Variants in SUGP2 observed in about 807,000 individuals in gnomAD.
SUGP2 encodes SURP and G-patch domain-containing protein 2.
A neutral mutation model predicts 90.5 loss-of-function variants in SUGP2; 24 were observed. The observed-to-expected ratio is 0.27, with a 90% CI of 0.19 to 0.37. SUGP2 has a LOEUF of 0.37. SUGP2 is among the 10% of genes least tolerant of loss of function. The pLI is 1.00. For synonymous variants in SUGP2, 473 were observed against 513.4 expected (o/e 0.92, Z 1.06); for missense variants, 1,233 against 1,363.3 (o/e 0.90, Z 1.51).
At chr19:19,003,116 G>A (rs551619145) in intron 7 of SUGP2, among the ~76,000 whole-genome samples, 1 of 152,312 alleles carries the variant, frequency 6.6e-6, no homozygotes, top group East Asian at 1.9e-4. Context: ...CCCATGAGAA[G>A]TTTTGAAGGA....
intron 7 of SUGP2, among the ~76,000 whole-genome samples, chr19:19,003,191 A>G (rs2057916314): frequency 6.6e-6 from 1 of 152,358 alleles, no homozygotes; most frequent in Admixed American, 6.5e-5. Flanking sequence ...AACACAAAAC[A>G]TGAGGACTAT....
At chr19:19,021,344 CAT>C (rs1176149192) in intron 3 of SUGP2, among the ~76,000 whole-genome samples, 1 of 152,106 alleles carries the variant, frequency 6.6e-6, no homozygotes, top group Non-Finnish European at 1.5e-5. Context: ...GCTCCTCACA[CAT>C]GATGAGTCAA....
chr19:19,020,155 C>T (rs779329088), intron 3 of SUGP2, among the ~76,000 whole-genome samples: 4 of 151,804 alleles, frequency 2.6e-5, no homozygotes, highest in African/African-American at 9.7e-5. Flanking sequence ...TTTGGCCAGG[C>T]ACAGTGGCTC....
chr19:18,998,338 G>A (rs965558271), intron 8 of SUGP2, among the ~76,000 whole-genome samples: 4 of 152,228 alleles, frequency 2.6e-5, no homozygotes, highest in East Asian at 1.9e-4. Context: ...CCAGGCTGGA[G>A]TGCAGTGGCT....
In SUGP2 at chr19:18,995,369, C is replaced by T. The variant is rs553689412; in HGVS notation, c.2992-89G>A. 6 of 1,408,488 alleles carry T rather than the reference C, an allele frequency of 4.3e-6. No individual in the cohort carries two copies. The African/African-American group carries it at 5.8e-5, about 14-fold the overall frequency. 87.2% of individuals were successfully genotyped at this position (1,408,488 alleles called of 1,614,324 possible). ...CTAGGCTATGCCTGGAGCCCCTCAC[C>T]CCCAAATGCCCTCCTGACTCCCCAG... On this transcript the variant is annotated intron_variant, in intron 8 of 10. Transcript: ENST00000452918.
rs766040952 is a variant in SUGP2, at chr19:19,025,978, C to T, written c.370G>A (p.Gly124Ser). The change falls in exon 3 of 11, where the codon GGC (glycine) becomes AGC (serine). Residue 124 changes from glycine to serine, a missense_variant. Gly to Ser is a moderately conservative substitution (Grantham distance 56). Coordinates refer to ENST00000452918, the MANE Select transcript of SUGP2 (RefSeq NM_001017392.5). ...CGGAAATGCCCCAATTTCCGGTGGC[C>T]AATGACCTGGTCCCGAGAATCAGAG... is the stretch of plus-strand genomic sequence containing the variant. ...SHSDSRDQVI[G>S]HRKLGHFRSQ... The T allele has an allele frequency of 1.2e-6, 2 of 1,614,134 alleles. No homozygotes were observed. Among genetic ancestry groups the T allele is most frequent in the Admixed American group, 3.3e-5 (2 of 60,004 alleles).
At chr19:19,003,479 T>G (rs943981354) in intron 7 of SUGP2, 1 of 152,254 alleles carries the variant, frequency 6.6e-6, no homozygotes, top group Non-Finnish European at 1.5e-5. Flanking sequence ...ACTGACAGAC[T>G]AGGAAAGATA....
rs926835948 is a variant in SUGP2 at position 19,002,961 on chromosome 19, C to A, written c.2929+1207G>T. On this transcript the variant is annotated intron_variant, in intron 7 of 10. Coordinates refer to ENST00000452918, the MANE Select transcript of SUGP2 (RefSeq NM_001017392.5). ...CCGTGACAAGTTTAATTATTTACTT[C>A]ATTTTTTTTACATTAATTTTTTTTT... Among the ~76,000 whole-genome samples, 6 of 152,076 alleles carry A rather than the reference C, an allele frequency of 3.9e-5. No individual in the cohort carries two copies. In the East Asian group the frequency reaches 5.8e-4, roughly 15 times the overall value.
At chr19:19,005,610 A>G (rs1468712554) in intron 6 of SUGP2, among the ~76,000 whole-genome samples, 1 of 152,030 alleles carries the variant, frequency 6.6e-6, no homozygotes, top group Non-Finnish European at 1.5e-5. Context: ...AACCTCTCAA[A>G]CTACTACAAA....
chr19:19,027,786 C>T (rs1284081164), intron 2 of SUGP2, among the ~76,000 whole-genome samples: 3 of 152,120 alleles, frequency 2.0e-5, no homozygotes, highest in East Asian at 1.9e-4. Context: ...TACAGGCACC[C>T]GCCACCATGC....
chr19:19,027,236 GGA>G (rs2058971859), intron 2 of SUGP2, among the ~76,000 whole-genome samples: 1 of 152,204 alleles, frequency 6.6e-6, no homozygotes, highest in South Asian at 2.1e-4. Context: ...TGGGCCTCAG[GGA>G]GAGTTTTCAT....
At chr19:19,002,308 A>G (rs1324555425) in intron 7 of SUGP2, among the ~76,000 whole-genome samples, 1 of 151,548 alleles carries the variant, frequency 6.6e-6, no homozygotes, top group Admixed American at 6.6e-5. Context: ...TGAACCCGGG[A>G]GGCAGAGGTT....
chr19:19,033,548 C>T, upstream of SUGP2: 2 of 1,290,460 alleles, frequency 1.5e-6, no homozygotes, highest in Non-Finnish European at 9.8e-7. Flanking sequence ...TCCGCAGCGC[C>T]GCGCCGCGCA....
In SUGP2 at chr19:18,992,524, G is replaced by A. The variant is rs1188674046; in HGVS notation, c.*1217C>T. On this transcript the variant is annotated 3_prime_UTR_variant, in exon 11 of 11. Coordinates refer to ENST00000452918, the MANE Select transcript of SUGP2 (RefSeq NM_001017392.5). ...GCTACCACGCCTGGCTAATTTTTTT[G>A]TATTTTTAGTAGAGACGGGGTTACA... is the stretch of plus-strand genomic sequence containing the variant. 6.6e-6 allele frequency: 1 copy of A among 151,820 alleles called. No homozygotes were observed. Among genetic ancestry groups the A allele is most frequent in the East Asian group, 1.9e-4 (1 of 5,178 alleles). 9.4% of individuals were successfully genotyped at this position (151,820 alleles called of 1,614,324 possible).
rs765098233 is a variant in SUGP2, at chr19:19,008,313, G to A, written c.2450+4C>T. 2.5e-6 allele frequency: 4 copies of A among 1,608,672 alleles called. No homozygotes were observed. The highest frequency in any genetic ancestry group is 3.4e-6 in the Non-Finnish European group (4 of 1,175,156). On this transcript the variant is annotated splice_donor_region_variant and intron_variant, in intron 6 of 10. Coordinates refer to ENST00000452918, the MANE Select transcript of SUGP2 (RefSeq NM_001017392.5). ...GGTGTGATGAGACCCGGGGGGGTAC[G>A]TACCACAGGTCAGGGTTATCGGTGC...
chr19:19,011,672 G>A (rs1373299144), intron 4 of SUGP2, among the ~76,000 whole-genome samples: 2 of 152,110 alleles, frequency 1.3e-5, no homozygotes, highest in African/African-American at 2.4e-5. Flanking sequence ...TTTCCTGGGT[G>A]TGCTGTGATT....
intron 6 of SUGP2, among the ~76,000 whole-genome samples, chr19:19,005,844 AACACACAC>A (rs67270368): frequency 1.3e-4 from 6 of 46,396 alleles, no homozygotes; most frequent in African/African-American, 1.7e-4. Flanking sequence ...CAGGCTAACA[AACACACAC>A]ACACACACAC....
chr19:19,015,621 G>A (rs1355851081), intron 4 of SUGP2, among the ~76,000 whole-genome samples: 1 of 152,028 alleles, frequency 6.6e-6, no homozygotes. Context: ...CTTGTGCCTC[G>A]GTCTCCCAAG....
chr19:19,032,170 T>TC lies in SUGP2; in HGVS notation c.-11-1089dup, dbSNP rs398034180. Reference sequence around the variant, plus strand: ...AAGAGATCAATCTTTTTTTTTTTTTTCTTCCTTTTTTTGAGACTCTCCCTG... The same window carrying TC: ...AAGAGATCAATCTTTTTTTTTTTTTTCCTTCCTTTTTTTGAGACTCTCCCTG... On this transcript the variant is annotated intron_variant, in intron 1 of 10. Transcript: ENST00000452918. Among the ~76,000 whole-genome samples, 8 of 151,074 alleles carry TC rather than the reference T, an allele frequency of 5.3e-5. No individual in the cohort carries two copies. The East Asian group carries it at 9.7e-4, about 18-fold the overall frequency.
Sources: allele counts gnomAD v4.1 joint callset (sites outside exome capture counted in the v4.1 genomes callset), GRCh38; gene constraint gnomAD v4.1.1; transcripts MANE v1.5; gene names NCBI Gene and HGNC (gene_info 2026-07-23, HGNC 2026-07-21).